Variants in PRKD1 observed in about 807,000 individuals in gnomAD.
PRKD1 encodes the protein serine/threonine-protein kinase D1.
A neutral mutation model predicts 95.9 loss-of-function variants in PRKD1; 63 were observed. That is an observed-to-expected ratio of 0.66 (90% confidence interval 0.54 to 0.81). PRKD1 has a LOEUF of 0.81. Among genes scored for constraint, PRKD1 ranks in the 30% least tolerant of loss-of-function variants. The pLI, the probability that PRKD1 is intolerant of heterozygous loss-of-function variation, is 0.00. For synonymous variants in PRKD1, 425 were observed against 423.1 expected (o/e 1.00, Z -0.05); for missense variants, 1,048 against 1,165.3 (o/e 0.90, Z 1.47).
At chr14:29,849,439 C>T (rs1892212161) in intron 1 of PRKD1, among the ~76,000 whole-genome samples, 1 of 152,088 alleles carries the variant, frequency 6.6e-6, no homozygotes, top group African/African-American at 2.4e-5. Flanking sequence ...CACCTCTATG[C>T]ACACAAACTA....
intron 1 of PRKD1, among the ~76,000 whole-genome samples, chr14:29,790,637 T>C (rs934976330): frequency 6.6e-6 from 1 of 152,212 alleles, no homozygotes; most frequent in African/African-American, 2.4e-5. Flanking sequence ...TTTAAGCTTA[T>C]AATGATCTCT....
At chr14:29,741,065 G>T (rs2139433819) in intron 1 of PRKD1, among the ~76,000 whole-genome samples, 1 of 152,030 alleles carries the variant, frequency 6.6e-6, no homozygotes, top group Middle Eastern at 3.4e-3. Flanking sequence ...GAGAACTTAG[G>T]GATACAAAGA....
At chr14:29,656,593 G>C in intron 4 of PRKD1, 1 of 1,349,112 alleles carries the variant, frequency 7.4e-7, no homozygotes, top group Non-Finnish European at 1.0e-6. Context: ...TGGAAGCAAA[G>C]CACATTACTC....
At position 29,832,698 on chromosome 14, in the gene PRKD1, C is replaced by T. The variant is rs1386092870; in HGVS notation, c.264+94551G>A. Among the ~76,000 whole-genome samples the T allele has an allele frequency of 2.0e-5, 3 of 152,032 alleles. No homozygotes were observed. The East Asian group carries it at 5.8e-4, about 29-fold the overall frequency. ...CTTTTTTGCATTGAGCAAAATGCTC[C>T]AGAATGACTATTTCAATTTGAATAC... is the stretch of plus-strand genomic sequence containing the variant. On this transcript the variant is annotated intron_variant, in intron 1 of 17. Transcript: ENST00000331968.
intron 1 of PRKD1, among the ~76,000 whole-genome samples, chr14:29,775,310 G>A (rs1888689137): frequency 6.6e-6 from 1 of 152,150 alleles, no homozygotes; most frequent in South Asian, 2.1e-4. Context: ...CAGGACAGTG[G>A]GTGCAGCCCA....
At chr14:29,733,247 C>T (rs916564865) in intron 1 of PRKD1, among the ~76,000 whole-genome samples, 11 of 151,786 alleles carry the variant, frequency 7.2e-5, no homozygotes, top group Admixed American at 1.3e-4. Flanking sequence ...AGACTACAGG[C>T]GCCCGCCACC....
intron 1 of PRKD1, among the ~76,000 whole-genome samples, chr14:29,896,834 T>A (rs1894146581): frequency 6.6e-6 from 1 of 152,022 alleles, no homozygotes; most frequent in South Asian, 2.1e-4. Flanking sequence ...CTATAATGTT[T>A]AGCAGAAGAA....
At chr14:29,588,790 TTGTGTGTGTGTGTGTGTG>T (rs34773417) in intron 16 of PRKD1, among the ~76,000 whole-genome samples, 2,611 of 145,420 alleles carry the variant, frequency 0.018, 88 homozygotes, top group African/African-American at 0.063. Context: ...ATTCCTAAAG[TTGTGTGTGTGTGTGTGTG>T]TGTGTGTGTG....
chr14:29,927,135 G>C (rs1895331225), intron 1 of PRKD1, 114 bp downstream of exon 1: 2 of 1,163,748 alleles, frequency 1.7e-6, no homozygotes, highest in East Asian at 3.6e-5. Flanking sequence ...GCGCCGGCGA[G>C]GCTGGCGGCC....
intron 1 of PRKD1, among the ~76,000 whole-genome samples, chr14:29,810,138 C>T (rs1890418884): frequency 2.0e-5 from 3 of 152,006 alleles, no homozygotes; most frequent in Non-Finnish European, 4.4e-5. Context: ...AAAACAATTA[C>T]AATAGTAATT....
intron 11 of PRKD1, among the ~76,000 whole-genome samples, chr14:29,627,445 G>A (rs1879699098): frequency 2.0e-5 from 3 of 152,096 alleles, no homozygotes; most frequent in South Asian, 2.1e-4. Flanking sequence ...TCATCACTTC[G>A]GGAGCTAACA....
intron 1 of PRKD1, among the ~76,000 whole-genome samples, chr14:29,780,998 A>C (rs1889018334): frequency 6.6e-6 from 1 of 152,092 alleles, no homozygotes; most frequent in African/African-American, 2.4e-5. Flanking sequence ...AGGGACATGG[A>C]TGAAGCTGGA....
At chr14:29,732,969 A>G (rs1886517730) in intron 1 of PRKD1, among the ~76,000 whole-genome samples, 1 of 146,828 alleles carries the variant, frequency 6.8e-6, no homozygotes, top group African/African-American at 2.5e-5. Flanking sequence ...TGAACTATAG[A>G]TTTATACATT....
At chr14:29,903,900 A>C (rs45521242) in intron 1 of PRKD1, among the ~76,000 whole-genome samples, 7,523 of 152,114 alleles carry the variant, frequency 0.049, 562 homozygotes, top group African/African-American at 0.16. Context: ...GATACCAAGA[A>C]ACTGAAGACA....
intron 2 of PRKD1, among the ~76,000 whole-genome samples, chr14:29,680,452 G>A (rs1883477321): frequency 1.3e-5 from 2 of 152,044 alleles, no homozygotes; most frequent in African/African-American, 2.4e-5. Flanking sequence ...GCAACAAGAG[G>A]AATATATAAG....
At chr14:29,723,731 G>A (rs1368992552) in intron 2 of PRKD1, among the ~76,000 whole-genome samples, 1 of 151,914 alleles carries the variant, frequency 6.6e-6, no homozygotes, top group East Asian at 1.9e-4. Context: ...AAGGGTCAAT[G>A]ACTTTGGGAA....
At chr14:29,841,780 T>C (rs909979609) in intron 1 of PRKD1, among the ~76,000 whole-genome samples, 1 of 152,116 alleles carries the variant, frequency 6.6e-6, no homozygotes, top group African/African-American at 2.4e-5. Flanking sequence ...AATCTTTCCT[T>C]ACTGTGACTG....
At chr14:29,765,956 T>C (rs764581788) in intron 1 of PRKD1, among the ~76,000 whole-genome samples, 1 of 152,192 alleles carries the variant, frequency 6.6e-6, no homozygotes. Context: ...GGTGACTGCA[T>C]GGGTTTGCAT....
chr14:29,782,136 T>C (rs991413148), intron 1 of PRKD1, among the ~76,000 whole-genome samples: 5 of 152,208 alleles, frequency 3.3e-5, no homozygotes, highest in African/African-American at 1.2e-4. Context: ...ATCCTACTTG[T>C]TTTGAGAAGA....
Sources: allele counts gnomAD v4.1 joint callset (sites outside exome capture counted in the v4.1 genomes callset), GRCh38; gene constraint gnomAD v4.1.1; transcripts MANE v1.5; gene names NCBI Gene and HGNC (gene_info 2026-07-23, HGNC 2026-07-21).